AGO2: variants seen among roughly 807,000 people sequenced by gnomAD.
AGO2 encodes the protein argonaute RISC catalytic component 2, also known as protein argonaute-2.
AGO2 carries 5 observed loss-of-function variants against 102.3 expected under a neutral mutation model. The ratio of observed to expected loss-of-function variants is 0.05; its 90% CI spans 0.03 to 0.10. The LOEUF (loss-of-function observed/expected upper bound fraction) is 0.10, where lower values mean the gene tolerates loss of function less well. AGO2 is among the 10% of genes least tolerant of loss of function. AGO2 has a pLI of 1.00. For synonymous variants in AGO2, 449 were observed against 473.1 expected (o/e 0.95, Z 0.66); for missense variants, 541 against 1,183.7 (o/e 0.46, Z 7.97).
chr8:140,551,258 C>T (rs2292780), intron 11 of AGO2, 45 bp downstream of exon 11: 88,928 of 1,448,854 alleles, frequency 0.061, 3,043 homozygotes, highest in African/African-American at 0.13. Context: ...AGCTGCCCAT[C>T]GGGCAGCACC....
chr8:140,557,252 G>A lies in AGO2; in HGVS notation c.879-16C>T. 1 of 1,607,866 alleles carries A rather than the reference G, an allele frequency of 6.2e-7. No homozygotes were observed. Among genetic ancestry groups the A allele is most frequent in the Non-Finnish European group, 8.5e-7 (1 of 1,176,470 alleles). On this transcript the variant is annotated splice_polypyrimidine_tract_variant and intron_variant, in intron 7 of 18. Transcript: ENST00000220592. This position sits in a 1 kb window ranked among gnomAD's most constrained non-coding sequence, Gnocchi z 5.9. ...CAGCGGGAATCTGAGGAGCAAAGGG[G>A]CTGTTCAGGCCGAGGGCATCCCGGA... is the stretch of plus-strand genomic sequence containing the variant.
In AGO2 at chr8:140,549,262, G is replaced by A. The variant is rs148281188; in HGVS notation, c.1440C>T (p.Asp480=). 50 of 1,611,512 alleles carry A rather than the reference G, an allele frequency of 3.1e-5. No individual in the cohort carries two copies. The highest frequency in any genetic ancestry group is 2.3e-4 in the African/African-American group (17 of 74,898). The change falls in exon 12 of 19, where the codon GAC becomes GAT. Residue 480 remains aspartate (D), a synonymous_variant. Transcript: ENST00000220592. ...GCTGGCCCTGGATGGGCATGCCGGCGTCTCTCGAGATCTTTCTGAGCTGCT... is the reference window on the plus strand; with the variant it reads ...GCTGGCCCTGGATGGGCATGCCGGCATCTCTCGAGATCTTTCTGAGCTGCT... ...FTEQLRKISR[D]AGMPIQGQPC...
rs766689553 is a variant in AGO2 at position 140,557,661 on chromosome 8, G to A, written c.879-425C>T. 1.2e-3 allele frequency among the ~76,000 whole-genome samples: 188 copies of A among 152,346 alleles called. No homozygotes were observed. The highest frequency in any genetic ancestry group is 2.1e-3 in the Non-Finnish European group (142 of 68,032). On this transcript the variant is annotated intron_variant, in intron 7 of 18. Coordinates refer to ENST00000220592, the MANE Select transcript of AGO2 (RefSeq NM_012154.5). This position sits in a 1 kb window ranked among gnomAD's most constrained non-coding sequence, Gnocchi z 5.9. ...AAAGCAGGCCAGGCCGGTTCCGGCC[G>A]CACGGTGACGGCAGGAGACGCCTGG...
At chr8:140,608,944 C>T (rs1461770430) in intron 1 of AGO2, among the ~76,000 whole-genome samples, 1 of 152,222 alleles carries the variant, frequency 6.6e-6, no homozygotes, top group Non-Finnish European at 1.5e-5. Context: ...ACATAGGCCA[C>T]AGGCCCTCCC....
At chr8:140,538,439 T>A (rs533383348) in intron 16 of AGO2, among the ~76,000 whole-genome samples, 79 of 152,344 alleles carry the variant, frequency 5.2e-4, no homozygotes, top group African/African-American at 1.7e-3. Context: ...TTCTTTTTAC[T>A]TATCCTACTA....
intron 1 of AGO2, chr8:140,592,028 G>T (rs62529973): frequency 0.086 from 13,049 of 152,118 alleles, 634 homozygotes; most frequent in Non-Finnish European, 0.11. Context: ...GCTGAGGCAG[G>T]AGAATCACTT....
rs761608891 is a variant in AGO2, at chr8:140,544,281, C to G, written c.1771G>C (p.Val591Leu). The G allele has an allele frequency of 6.2e-7, 1 of 1,602,392 alleles. No homozygotes were observed. Among genetic ancestry groups the G allele is most frequent in the African/African-American group, 1.4e-5 (1 of 74,000 alleles). ...GTGACGTCTGCTCCCAGAAAGATGA[C>G]GGGCTGCTGGAACACCGGCGGCCTG... ...QGRPPVFQQP[V>L]IFLGADVTHP... The change falls in exon 14 of 19, where the codon GTC (valine) becomes CTC (leucine). Residue 591 changes from valine (V) to leucine (L), a missense_variant. Around this residue, in one of 6 missense-constraint regions of AGO2, gnomAD observed 309 missense variants for 735.1 expected, o/e 0.42. Coordinates refer to ENST00000220592, the MANE Select transcript of AGO2 (RefSeq NM_012154.5).
rs908784749 is a variant in AGO2 at position 140,556,006 on chromosome 8, T to G, written c.1159A>C (p.Ser387Arg). 6.2e-6 allele frequency: 10 copies of G among 1,614,022 alleles called. No individual in the cohort carries two copies. The highest frequency in any genetic ancestry group is 1.3e-5 in the African/African-American group (1 of 74,924). Residue 387 changes from serine (S) to arginine (R), a missense_variant, in exon 10 of 19, where the codon AGT becomes CGT. Ser to Arg is a moderately radical substitution (Grantham distance 110, BLOSUM62 -1). Around this residue, in one of 6 missense-constraint regions of AGO2, gnomAD observed 309 missense variants for 735.1 expected, o/e 0.42. Transcript: ENST00000220592. ...EEISKLMRSA[S>R]FNTDPYVREF... is the part of the protein sequence containing the mutation. ...CGGACGTATGGATCTGTGTTGAAAC[T>G]TGCACTTCGCATCTGGCAAAGGGAA... is the stretch of plus-strand genomic sequence containing the variant.
chr8:140,625,185 T>A (rs1484170063), intron 1 of AGO2, among the ~76,000 whole-genome samples: 1 of 152,222 alleles, frequency 6.6e-6, no homozygotes. Flanking sequence ...CCTCCTTTGC[T>A]GGAGTGCAGT....
At chr8:140,551,779 A>T (rs1006134910) in intron 10 of AGO2, among the ~76,000 whole-genome samples, 1 of 148,480 alleles carries the variant, frequency 6.7e-6, no homozygotes, top group African/African-American at 2.5e-5. Context: ...GGTGGATAAG[A>T]TGGGTGGGTG....
In AGO2 at chr8:140,540,692, G is replaced by T. The variant is rs757434345; in HGVS notation, c.2034+472C>A. On this transcript the variant is annotated intron_variant, in intron 15 of 18. Coordinates refer to ENST00000220592, the MANE Select transcript of AGO2 (RefSeq NM_012154.5). This position sits in a 1 kb window ranked among gnomAD's most constrained non-coding sequence, Gnocchi z 5.0. ...TACATCCAGACAGTGGCCGCGTCCTGGCGACCCTACCTTCAACAGAGCTGC... is the reference window on the plus strand; with the variant it reads ...TACATCCAGACAGTGGCCGCGTCCTTGCGACCCTACCTTCAACAGAGCTGC... Among the ~76,000 whole-genome samples the T allele has an allele frequency of 2.0e-5, 3 of 152,164 alleles. No individual in the cohort carries two copies. The highest frequency in any genetic ancestry group is 2.9e-5 in the Non-Finnish European group (2 of 68,022).
chr8:140,580,166 G>A (rs1198105623), intron 2 of AGO2, among the ~76,000 whole-genome samples: 2 of 152,248 alleles, frequency 1.3e-5, no homozygotes, highest in South Asian at 2.1e-4. Context: ...GGTGCCCACA[G>A]CTGTACGGGA....
intron 1 of AGO2, chr8:140,605,675 G>T (rs1216018801): frequency 1.3e-5 from 2 of 152,288 alleles, no homozygotes; most frequent in African/African-American, 2.4e-5. Context: ...TGGTCCAGGG[G>T]TAGCTCTAGT....
In AGO2 at chr8:140,604,430, C is replaced by T. The variant is rs530873811; in HGVS notation, c.23-19119G>A. Among the ~76,000 whole-genome samples the T allele has an allele frequency of 5.5e-4, 84 of 151,830 alleles. 1 individual carries two copies. Among genetic ancestry groups the T allele is most frequent in the Admixed American group, 2.0e-3 (31 of 15,228 alleles). ...ATTTTTGGCTGGGCGCGGTGGCTCA[C>T]GCCTGTAATCCCAGCACTTTGGGAG... On this transcript the variant is annotated intron_variant, in intron 1 of 18. Transcript: ENST00000220592.
chr8:140,561,130 G>A (rs1008993312), intron 4 of AGO2, among the ~76,000 whole-genome samples: 6 of 152,258 alleles, frequency 3.9e-5, no homozygotes, highest in African/African-American at 7.2e-5. Context: ...GGGATGCTGC[G>A]CTGACCCGGC....
chr8:140,642,087 G>T, the AGO2 span, among the ~76,000 whole-genome samples: 1 of 152,068 alleles, frequency 6.6e-6, no homozygotes, highest in Admixed American at 6.6e-5. Flanking sequence ...AAAAAGAAAA[G>T]TTGAAAACAG....
At position 140,551,629 on chromosome 8, in the gene AGO2, G is replaced by C. The variant is rs576949641; in HGVS notation, c.1270-193C>G. Among the ~76,000 whole-genome samples the C allele has an allele frequency of 1.6e-3, 74 of 45,308 alleles. No individual in the cohort carries two copies. The Middle Eastern group carries it at 0.024, about 15-fold the overall frequency. The allele number at this position is 45,308 out of a possible 152,430, so 29.7% of individuals were successfully genotyped here. A position where few individuals can be genotyped will look rare whatever the true frequency, so the allele number is the denominator to read the frequency against. On this transcript the variant is annotated intron_variant, in intron 10 of 18. Coordinates refer to ENST00000220592, the MANE Select transcript of AGO2 (RefSeq NM_012154.5). ...ACAGGATCGGTAGATGGATGGGCTG[G>C]TGGAAGATGGGTGGGTGGATGGTTG...
chr8:140,607,967 T>C (rs1328035782), intron 1 of AGO2, among the ~76,000 whole-genome samples: 1 of 152,198 alleles, frequency 6.6e-6, no homozygotes, highest in East Asian at 1.9e-4. Flanking sequence ...TAATCAATAA[T>C]CAATGAATCT....
intron 1 of AGO2, among the ~76,000 whole-genome samples, chr8:140,617,835 A>G (rs763483737): frequency 1.3e-3 from 193 of 151,878 alleles, no homozygotes; most frequent in Non-Finnish European, 1.8e-3. Context: ...TGGACAACAT[A>G]GTGAGACCCT....
Sources: gnomAD v4.1 joint callset for allele counts (sites outside exome capture counted in the v4.1 genomes callset) on GRCh38, gnomAD v4.1.1 for gene constraint, gnomAD v4.1.1 regional missense constraint, Gnocchi (gnomAD v3.1) non-coding constraint, MANE v1.5 for transcripts, NCBI Gene and HGNC (gene_info 2026-07-23, HGNC 2026-07-21) for gene names.